Variants in DRC11 observed in about 807,000 individuals in gnomAD.
DRC11 encodes the protein dynein regulatory complex subunit 11, also known as IQ and AAA domain-containing protein 1.
chr2:236,324,739 C>CG, the DRC11 span: 3 of 1,605,896 alleles, frequency 1.9e-6, no homozygotes, highest in Non-Finnish European at 2.6e-6. The surrounding 1 kb of genome is among the most constrained non-coding windows in gnomAD (Gnocchi z 5.7). Flanking sequence ...CTCCTGTTAT[C>CG]GCCAAGGCAC....
chr2:236,345,184 C>CTTCTCTCTCAGGTGT, the DRC11 span, among the ~76,000 whole-genome samples: 1 of 144,968 alleles, frequency 6.9e-6, no homozygotes, highest in African/African-American at 2.5e-5. Flanking sequence ...TGGCTGTAAA[C>CTTCTCTCTCAGGTGT]GCGCTTCCCT....
At chr2:236,423,229 C>T in the DRC11 span, among the ~76,000 whole-genome samples, 1 of 151,756 alleles carries the variant, frequency 6.6e-6, no homozygotes, top group African/African-American at 2.4e-5. Flanking sequence ...AGAGCTTCTG[C>T]ACAGCAAAAG....
chr2:236,478,233 CAT>C, the DRC11 span, among the ~76,000 whole-genome samples: 1 of 152,078 alleles, frequency 6.6e-6, no homozygotes, highest in East Asian at 1.9e-4. The surrounding 1 kb of genome is among the most constrained non-coding windows in gnomAD (Gnocchi z 5.9). Flanking sequence ...CATAGATTTT[CAT>C]ATGTTGGTTT....
chr2:236,498,509 G>A, the DRC11 span, among the ~76,000 whole-genome samples: 1 of 151,880 alleles, frequency 6.6e-6, no homozygotes, highest in Non-Finnish European at 1.5e-5. Flanking sequence ...TGGCCTGGGA[G>A]GCTGAGCTCT....
the DRC11 span, among the ~76,000 whole-genome samples, chr2:236,459,589 GTA>G: frequency 2.5e-4 from 31 of 125,684 alleles, no homozygotes; most frequent in African/African-American, 5.3e-4. Flanking sequence ...ACGTATATAC[GTA>G]TACGTATACA....
chr2:236,320,389 C>A, the DRC11 span, among the ~76,000 whole-genome samples: 1 of 152,186 alleles, frequency 6.6e-6, no homozygotes, highest in African/African-American at 2.4e-5. Context: ...GGCTAAAAAT[C>A]ACGTCAGTCC....
chr2:236,354,862 T>C, the DRC11 span, among the ~76,000 whole-genome samples: 2 of 152,152 alleles, frequency 1.3e-5, no homozygotes, highest in Admixed American at 1.3e-4. Context: ...GAGTGGGACA[T>C]GTATCCCGGG....
the DRC11 span, among the ~76,000 whole-genome samples, chr2:236,357,311 C>T: frequency 3.5e-5 from 4 of 114,524 alleles, no homozygotes; most frequent in African/African-American, 3.8e-5. Context: ...TCATATAGAT[C>T]TATATATTAT....
At chr2:236,347,914 C>T in the DRC11 span, among the ~76,000 whole-genome samples, 1 of 151,758 alleles carries the variant, frequency 6.6e-6, no homozygotes, top group Admixed American at 6.5e-5. Context: ...TTAACTATAG[C>T]ACCTGCCAGT....
chr2:236,443,753 G>T, the DRC11 span, among the ~76,000 whole-genome samples: 1 of 152,150 alleles, frequency 6.6e-6, no homozygotes, highest in Non-Finnish European at 1.5e-5. This position sits in a 1 kb window ranked among gnomAD's most constrained non-coding sequence, Gnocchi z 4.4. Context: ...GGGATTGCTA[G>T]GTCAAATGGT....
chr2:236,416,966 G>A, the DRC11 span, among the ~76,000 whole-genome samples: 1 of 151,464 alleles, frequency 6.6e-6, no homozygotes, highest in Non-Finnish European at 1.5e-5. Flanking sequence ...CACCATATTG[G>A]TCAAGCTGGT....
At chr2:236,494,576 T>C in the DRC11 span, among the ~76,000 whole-genome samples, 2 of 152,238 alleles carry the variant, frequency 1.3e-5, 1 homozygote, top group East Asian at 3.8e-4. This position sits in a 1 kb window ranked among gnomAD's most constrained non-coding sequence, Gnocchi z 4.2. Context: ...AACATTATCC[T>C]AGAATTTCTG....
At chr2:236,503,002 A>C in the DRC11 span, among the ~76,000 whole-genome samples, 1 of 152,236 alleles carries the variant, frequency 6.6e-6, no homozygotes, top group Non-Finnish European at 1.5e-5. This position sits in a 1 kb window ranked among gnomAD's most constrained non-coding sequence, Gnocchi z 4.9. Context: ...TTCAAGACAT[A>C]CATACAGATT....
At chr2:236,356,717 A>C in the DRC11 span, among the ~76,000 whole-genome samples, 1 of 151,770 alleles carries the variant, frequency 6.6e-6, no homozygotes, top group South Asian at 2.1e-4. Context: ...GGTCAGAAAA[A>C]GCCCTTCCCG....
the DRC11 span, chr2:236,380,493 G>C: frequency 2.7e-6 from 3 of 1,123,940 alleles, no homozygotes; most frequent in Non-Finnish European, 4.0e-6. This position sits in a 1 kb window ranked among gnomAD's most constrained non-coding sequence, Gnocchi z 4.9. Flanking sequence ...ATCACAGAGG[G>C]GGCGTACTCG....
chr2:236,364,714 T>C, the DRC11 span, among the ~76,000 whole-genome samples: 1 of 152,186 alleles, frequency 6.6e-6, no homozygotes, highest in Non-Finnish European at 1.5e-5. Context: ...AACTAAAAAG[T>C]GAACGGGATT....
the DRC11 span, chr2:236,392,063 C>G: frequency 6.2e-7 from 1 of 1,613,814 alleles, no homozygotes; most frequent in Admixed American, 1.7e-5. This position sits in a 1 kb window ranked among gnomAD's most constrained non-coding sequence, Gnocchi z 5.1. Flanking sequence ...GTCTCATCAA[C>G]TCATCAACCT....
At chr2:236,372,267 T>A in the DRC11 span, among the ~76,000 whole-genome samples, 1 of 152,204 alleles carries the variant, frequency 6.6e-6, no homozygotes, top group African/African-American at 2.4e-5. This position sits in a 1 kb window ranked among gnomAD's most constrained non-coding sequence, Gnocchi z 4.5. Flanking sequence ...TAGTAATTCT[T>A]GATTGCCGAA....
At chr2:236,486,645 T>C in the DRC11 span, among the ~76,000 whole-genome samples, 4 of 152,310 alleles carry the variant, frequency 2.6e-5, no homozygotes, top group South Asian at 8.3e-4. This position sits in a 1 kb window ranked among gnomAD's most constrained non-coding sequence, Gnocchi z 5.7. Context: ...AATGTATAAA[T>C]GGATATAACC....
Sources: allele counts gnomAD v4.1 joint callset (sites outside exome capture counted in the v4.1 genomes callset), GRCh38; gene constraint gnomAD v4.1.1; non-coding constraint Gnocchi (gnomAD v3.1); transcripts MANE v1.5; gene names NCBI Gene and HGNC (gene_info 2026-07-23, HGNC 2026-07-21).